Variants in NCKAP5 observed in about 807,000 individuals in gnomAD.
NCKAP5 encodes nck-associated protein 5.
NCKAP5 carries 92 observed loss-of-function variants against 167.0 expected under a neutral mutation model. The observed-to-expected ratio is 0.55, with a 90% confidence interval of 0.47 to 0.66. The LOEUF (loss-of-function observed/expected upper bound fraction) is 0.66. Among genes scored for constraint, NCKAP5 ranks in the 30% least tolerant of loss-of-function variants. NCKAP5 has a pLI of 0.00. For synonymous variants in NCKAP5, 891 were observed against 877.4 expected (o/e 1.02, Z -0.27); for missense variants, 2,378 against 2,315.0 (o/e 1.03, Z -0.56).
intron 3 of NCKAP5, among the ~76,000 whole-genome samples, chr2:133,341,747 C>T (rs1172172208): frequency 6.6e-6 from 1 of 152,192 alleles, no homozygotes; most frequent in Non-Finnish European, 1.5e-5. Flanking sequence ...TCTCCACCCA[C>T]ATTGTCAACT....
chr2:133,319,410 G>A (rs1267902954), intron 3 of NCKAP5, among the ~76,000 whole-genome samples: 1 of 152,078 alleles, frequency 6.6e-6, no homozygotes, highest in Non-Finnish European at 1.5e-5. Flanking sequence ...TTTTCAGGAC[G>A]AGAGAAGTAC....
chr2:132,825,647 G>A (rs564532449), intron 11 of NCKAP5, among the ~76,000 whole-genome samples: 1 of 152,304 alleles, frequency 6.6e-6, no homozygotes, highest in East Asian at 1.9e-4. Context: ...CAGTACAAAG[G>A]AGGTGATTGC....
chr2:132,897,154 T>C (rs1693271144), intron 8 of NCKAP5, among the ~76,000 whole-genome samples: 1 of 152,228 alleles, frequency 6.6e-6, no homozygotes, highest in Non-Finnish European at 1.5e-5. Flanking sequence ...GGTGCTCACT[T>C]CTTCCTTTCC....
At chr2:133,104,775 C>T (rs1458289794) in intron 6 of NCKAP5, among the ~76,000 whole-genome samples, 2 of 152,184 alleles carry the variant, frequency 1.3e-5, no homozygotes, top group Non-Finnish European at 2.9e-5. Context: ...TCAGCTGTTT[C>T]CTTTAGGACT....
At chr2:133,491,480 C>G (rs1681436941) in intron 3 of NCKAP5, among the ~76,000 whole-genome samples, 1 of 152,190 alleles carries the variant, frequency 6.6e-6, no homozygotes, top group African/African-American at 2.4e-5. Flanking sequence ...AATCCAAGAT[C>G]ACCTCTAAGC....
Position 133,443,495 on chromosome 2 carries a change from A to G in NCKAP5, c.69+73963T>C, listed in dbSNP as rs142209246. ...GCCCTGGTAGGAAACTTCCTGTTTC[A>G]CTGAGATGCTCCTCCATGGGAAGGG... On this transcript the variant is annotated intron_variant, in intron 3 of 19. Transcript: ENST00000409261. Among the ~76,000 whole-genome samples the G allele has an allele frequency of 4.5e-4, 68 of 152,254 alleles. No homozygotes were observed. The East Asian group carries it at 0.013, about 29-fold the overall frequency.
intron 3 of NCKAP5, among the ~76,000 whole-genome samples, chr2:133,474,673 T>C (rs1679719700): frequency 6.6e-6 from 1 of 152,144 alleles, no homozygotes; most frequent in Admixed American, 6.5e-5. Flanking sequence ...ACAATTTTTG[T>C]AGATACAAAA....
chr2:132,971,434 T>C (rs1187701370), intron 7 of NCKAP5, among the ~76,000 whole-genome samples: 1 of 152,168 alleles, frequency 6.6e-6, no homozygotes, highest in Non-Finnish European at 1.5e-5. Context: ...GTTTTGTCTT[T>C]ACCCTCAGGG....
At chr2:133,290,752 T>G (rs1475163372) in intron 4 of NCKAP5, among the ~76,000 whole-genome samples, 1 of 147,300 alleles carries the variant, frequency 6.8e-6, no homozygotes, top group Non-Finnish European at 1.5e-5. Flanking sequence ...TTTTTTTTGT[T>G]GTTGTTGTTG....
intron 16 of NCKAP5, among the ~76,000 whole-genome samples, chr2:132,743,374 G>T (rs1468446503): frequency 1.3e-5 from 2 of 151,788 alleles, no homozygotes; most frequent in Non-Finnish European, 2.9e-5. Flanking sequence ...TTTGTTTATT[G>T]TGAGGTTTCT....
At chr2:132,825,998 G>C (rs1687097166) in intron 11 of NCKAP5, among the ~76,000 whole-genome samples, 1 of 152,204 alleles carries the variant, frequency 6.6e-6, no homozygotes, top group Non-Finnish European at 1.5e-5. Context: ...GAAACAGCAA[G>C]GGAAGAACAG....
chr2:132,805,228 AC>A (rs1685339882), intron 11 of NCKAP5, among the ~76,000 whole-genome samples: 1 of 152,112 alleles, frequency 6.6e-6, no homozygotes, highest in African/African-American at 2.4e-5. Flanking sequence ...GAACTATCAT[AC>A]CTGTCTTGCA....
At chr2:133,380,788 TA>T (rs1291390288) in intron 3 of NCKAP5, among the ~76,000 whole-genome samples, 1 of 152,216 alleles carries the variant, frequency 6.6e-6, no homozygotes, top group Non-Finnish European at 1.5e-5. Context: ...CCCTAGGTAA[TA>T]TGTTTGCACA....
intron 11 of NCKAP5, among the ~76,000 whole-genome samples, chr2:132,815,484 C>T (rs1686195382): frequency 6.6e-6 from 1 of 152,098 alleles, no homozygotes; most frequent in Non-Finnish European, 1.5e-5. Context: ...AAATATTGCT[C>T]CTCAAATACC....
chr2:133,393,987 T>C (rs1687584380), intron 3 of NCKAP5, among the ~76,000 whole-genome samples: 1 of 152,248 alleles, frequency 6.6e-6, no homozygotes, highest in South Asian at 2.1e-4. Flanking sequence ...GGGCCCCATT[T>C]GCATATTCTT....
At chr2:133,228,289 T>A (rs2086986106) in intron 4 of NCKAP5, among the ~76,000 whole-genome samples, 1 of 152,222 alleles carries the variant, frequency 6.6e-6, no homozygotes. Flanking sequence ...TATATATTTC[T>A]TAATTAATCC....
At chr2:133,238,764 T>G (rs925998385) in intron 4 of NCKAP5, among the ~76,000 whole-genome samples, 1 of 152,174 alleles carries the variant, frequency 6.6e-6, no homozygotes, top group Admixed American at 6.5e-5. Flanking sequence ...CACAGGTAGG[T>G]TTGAAAAAAC....
intron 6 of NCKAP5, among the ~76,000 whole-genome samples, chr2:133,110,877 G>A (rs367846229): frequency 2.9e-4 from 44 of 152,182 alleles, no homozygotes; most frequent in South Asian, 8.3e-4. Flanking sequence ...AGGTGCCGTC[G>A]TTGCTGGGAT....
chr2:132,759,712 C>T (rs1009218488), intron 16 of NCKAP5, among the ~76,000 whole-genome samples: 5 of 151,464 alleles, frequency 3.3e-5, no homozygotes, highest in Admixed American at 2.0e-4. Context: ...TTCAATTTTC[C>T]TGTGTTGATG....
Sources: gnomAD v4.1 joint callset for allele counts (sites outside exome capture counted in the v4.1 genomes callset) on GRCh38, gnomAD v4.1.1 for gene constraint, MANE v1.5 for transcripts, NCBI Gene and HGNC (gene_info 2026-07-23, HGNC 2026-07-21) for gene names.